NME8: variants seen among roughly 807,000 people sequenced by gnomAD.
NME8 encodes the protein protein NME8.
Under a neutral mutation model 82.3 loss-of-function variants are expected in NME8, and 72 were observed. The observed-to-expected ratio is 0.87, with a 90% CI of 0.72 to 1.06. The LOEUF is 1.06. Among genes scored for constraint, NME8 ranks in the 50% least tolerant of loss-of-function variants. NME8 has a pLI of 0.00. For missense variants in NME8, 712 were observed against 685.4 expected, an observed-to-expected ratio of 1.04 and a Z score of -0.43; for synonymous variants, 267 against 228.5, an observed-to-expected ratio of 1.17 and a Z score of -1.52.
intron 15 of NME8, 107 bp downstream of exon 15, chr7:37,888,535 A>G: frequency 9.0e-7 from 1 of 1,105,726 alleles, no homozygotes; most frequent in South Asian, 1.4e-5. Context: ...AAATTCCAAA[A>G]AAGAAAAGTT....
intron 9 of NME8, among the ~76,000 whole-genome samples, 196 bp from the exon 10 acceptor site, chr7:37,865,329 A>T (rs767775479): frequency 2.0e-5 from 3 of 152,262 alleles, no homozygotes; most frequent in Non-Finnish European, 2.9e-5. Flanking sequence ...AGCAAGTCTG[A>T]AATCCAGCAG....
intron 11 of NME8, among the ~76,000 whole-genome samples, chr7:37,871,161 C>CA (rs1411155955): frequency 6.6e-6 from 1 of 152,156 alleles, no homozygotes; most frequent in African/African-American, 2.4e-5. Context: ...GCGTACAGAG[C>CA]AGCGGAGTCC....
chr7:37,898,119 A>G (rs1316560560), intron 17 of NME8, among the ~76,000 whole-genome samples: 1 of 152,130 alleles, frequency 6.6e-6, no homozygotes, highest in Non-Finnish European at 1.5e-5. Flanking sequence ...TCCTACCAAC[A>G]GTGTAAAAGT....
At chr7:37,860,749 T>C (rs1246575136) in intron 6 of NME8, among the ~76,000 whole-genome samples, 1 of 152,194 alleles carries the variant, frequency 6.6e-6, no homozygotes, top group Non-Finnish European at 1.5e-5. Context: ...GCATCTCCTA[T>C]TGGCTTTCTC....
At chr7:37,889,148 C>T (rs2131971154) in intron 15 of NME8, among the ~76,000 whole-genome samples, 1 of 151,934 alleles carries the variant, frequency 6.6e-6, no homozygotes, top group East Asian at 1.9e-4. Context: ...TTCTATCACC[C>T]TTTGAGTAAA....
intron 6 of NME8, 64 bp downstream of exon 6, chr7:37,857,409 A>G (rs1784527422): frequency 9.7e-7 from 1 of 1,035,078 alleles, no homozygotes; most frequent in African/African-American, 1.6e-5. Context: ...AACAAGTAAC[A>G]TTGTAAAATT....
intron 6 of NME8, among the ~76,000 whole-genome samples, chr7:37,859,626 T>C (rs2131945234): frequency 6.6e-6 from 1 of 152,302 alleles, no homozygotes; most frequent in South Asian, 2.1e-4. Flanking sequence ...AAATCTCCAA[T>C]TCCCCCATCT....
intron 6 of NME8, among the ~76,000 whole-genome samples, chr7:37,859,770 G>A (rs901075336): frequency 9.2e-5 from 14 of 152,130 alleles, no homozygotes; most frequent in African/African-American, 3.1e-4. Flanking sequence ...CTGACAACCC[G>A]CCCAATATCC....
rs777532091 is a variant in NME8 at position 37,850,715 on chromosome 7, G to A, written c.178G>A (p.Glu60Lys). Residue 60 changes from glutamate (E) to lysine (K), a missense_variant, in exon 5 of 18, where the codon GAA becomes AAA. Coordinates refer to ENST00000199447, the MANE Select transcript of NME8 (RefSeq NM_016616.5). ...ATTGAAAAATGAACTGAACGAAGAC[G>A]AAATTCTGCATTTTGCTGTCGTAAG... ...RKLKNELNED[E>K]ILHFAVAEAD... The A allele has an allele frequency of 8.7e-6, 14 of 1,611,786 alleles. No homozygotes were observed. The highest frequency in any genetic ancestry group is 6.7e-5 in the East Asian group (3 of 44,874).
At chr7:37,866,261 C>T (rs1322535761) in intron 10 of NME8, among the ~76,000 whole-genome samples, 2 of 151,992 alleles carry the variant, frequency 1.3e-5, no homozygotes, top group Non-Finnish European at 1.5e-5. Context: ...GTTGCACTAG[C>T]CACATTTTAA....
At chr7:37,858,122 G>A (rs1784540108) in intron 6 of NME8, among the ~76,000 whole-genome samples, 1 of 152,154 alleles carries the variant, frequency 6.6e-6, no homozygotes, top group African/African-American at 2.4e-5. Context: ...AAAGCAGAGT[G>A]TACAGTTAGT....
intron 5 of NME8, among the ~76,000 whole-genome samples, chr7:37,855,514 C>G (rs780662393): frequency 6.6e-4 from 22 of 33,214 alleles, no homozygotes; most frequent in Non-Finnish European, 1.4e-3. Flanking sequence ...TTCCCCTCCC[C>G]CCACCAAATC....
Position 37,888,422 on chromosome 7 carries a change from C to T in NME8, c.1393C>T (p.Gln465Ter). ...GLIKPHATSE[Q>*]REQILKIVKE... is the part of the protein sequence containing the mutation. ...GATTAAACCTCATGCAACAAGTGAA[C>T]AAAGAGGTAAATATTTAAGAATAAA... Residue 465 changes from glutamine to a stop codon, truncating the protein, a stop_gained, in exon 15 of 18, where the codon CAA becomes TAA. Transcript: ENST00000199447. LOFTEE classifies it high-confidence loss of function. 2 of 1,612,152 alleles carry T rather than the reference C, an allele frequency of 1.2e-6. No individual in the cohort carries two copies. Among genetic ancestry groups the T allele is most frequent in the Non-Finnish European group, 1.7e-6 (2 of 1,178,852 alleles).
In NME8 at chr7:37,885,145, T is replaced by A; in HGVS notation, c.1140T>A (p.Ser380Arg). 6.2e-7 allele frequency: 1 copy of A among 1,600,524 alleles called. No homozygotes were observed. Among genetic ancestry groups the A allele is most frequent in the Non-Finnish European group, 8.6e-7 (1 of 1,167,878 alleles). Residue 380 changes from serine (S) to arginine (R), a missense_variant and splice_region_variant, in exon 14 of 18, where the codon AGT (serine) becomes AGA (arginine). Coordinates refer to ENST00000199447, the MANE Select transcript of NME8 (RefSeq NM_016616.5). ...YFNKLIENMTSGPSLALVLLR... is the reference protein window; with the variant it reads ...YFNKLIENMTRGPSLALVLLR... The stretch of plus-strand genomic sequence containing the variant: ...TCTTCTTTGTTTTCTTTTCTAATAG[T>A]GGTCCATCTCTAGCCCTTGTTTTAT...
Position 37,867,873 on chromosome 7 carries a change from G to A in NME8, c.793G>A (p.Gly265Arg). 6.2e-7 allele frequency: 1 copy of A among 1,613,698 alleles called. No individual in the cohort carries two copies. The highest frequency in any genetic ancestry group is 8.5e-7 in the Non-Finnish European group (1 of 1,179,780). The change falls in exon 11 of 18, where the codon GGA becomes AGA. Residue 265 changes from glycine to arginine, a missense_variant. Physicochemically the swap from Gly to Arg is moderately radical, Grantham distance 125 (BLOSUM62 -2). Coordinates refer to ENST00000199447, the MANE Select transcript of NME8 (RefSeq NM_016616.5). ...TGAGGTCGAAGCCCAGGTTACACCT[G>A]GAATGATGAAGAACAAACAAGACAG... ...QPEVEAQVTP[G>R]MMKNKQDSLQ...
chr7:37,895,621 A>G (rs78599805), intron 16 of NME8, among the ~76,000 whole-genome samples: 7 of 152,230 alleles, frequency 4.6e-5, no homozygotes, highest in African/African-American at 1.2e-4. Flanking sequence ...TATATTACAC[A>G]TCAAAAATTT....
intron 5 of NME8, among the ~76,000 whole-genome samples, chr7:37,855,310 C>A (rs1332339208): frequency 6.6e-6 from 1 of 152,184 alleles, no homozygotes; most frequent in African/African-American, 2.4e-5. Flanking sequence ...TCCAGGATTT[C>A]TTGTACAACT....
rs1464952855 is a variant in NME8, at chr7:37,865,545, T to C, written c.549T>C (p.Ile183=). ...TGAAGATTACCAAAGCTGGATTTAT[T>C]ATAGAAGCAGAGCATAAGACAGTGC... The part of the protein sequence containing the change: ...IKRKITKAGF[I]IEAEHKTVLT... Residue 183 remains isoleucine, a synonymous_variant, in exon 10 of 18, where the codon ATT becomes ATC. Transcript: ENST00000199447. 3 of 1,612,768 alleles carry C rather than the reference T, an allele frequency of 1.9e-6. No homozygotes were observed. The highest frequency in any genetic ancestry group is 2.5e-6 in the Non-Finnish European group (3 of 1,178,826).
intron 9 of NME8, 25 bp from the exon 10 acceptor site, chr7:37,865,499 GA>G: frequency 6.6e-7 from 1 of 1,514,816 alleles, no homozygotes; most frequent in Non-Finnish European, 9.2e-7. Context: ...ACGACACCTG[GA>G]TTTGACCTTA....
Sources: gnomAD v4.1 joint callset for allele counts (sites outside exome capture counted in the v4.1 genomes callset) on GRCh38, gnomAD v4.1.1 for gene constraint, MANE v1.5 for transcripts, NCBI Gene and HGNC (gene_info 2026-07-23, HGNC 2026-07-21) for gene names.